The following SFMBT1 variants were observed in gnomAD, a reference collection of about 807,000 sequenced individuals.
SFMBT1 encodes scm-like with four MBT domains protein 1.
SFMBT1 carries 32 observed loss-of-function variants against 108.7 expected under a neutral mutation model. That is an observed-to-expected ratio of 0.29 (90% CI 0.22 to 0.40). SFMBT1 has a LOEUF of 0.40. Ranked by LOEUF, SFMBT1 falls within the 10% of genes least tolerant of loss-of-function variation. SFMBT1 has a pLI of 1.00. For missense variants in SFMBT1, 816 were observed against 1,059.6 expected (o/e 0.77, Z 3.19); for synonymous variants, 348 against 369.5 (o/e 0.94, Z 0.67).
intron 1 of SFMBT1, among the ~76,000 whole-genome samples, chr3:53,036,475 A>G (rs1025488341): frequency 2.0e-5 from 3 of 152,242 alleles, no homozygotes; most frequent in Non-Finnish European, 4.4e-5. Context: ...TGGACAAAAC[A>G]AACACCATCG....
At chr3:52,972,479 G>A (rs1575411702) in intron 1 of SFMBT1, among the ~76,000 whole-genome samples, 1 of 152,074 alleles carries the variant, frequency 6.6e-6, no homozygotes, top group South Asian at 2.1e-4. Context: ...AAACTATCCA[G>A]GCGCTTAGTA....
At chr3:53,020,089 G>A (rs1699254517) in intron 1 of SFMBT1, among the ~76,000 whole-genome samples, 1 of 151,680 alleles carries the variant, frequency 6.6e-6, no homozygotes, top group Non-Finnish European at 1.5e-5. Context: ...TCTTGCCGTG[G>A]CCAGTGAGTA....
At chr3:53,023,387 G>A (rs1056424535) in intron 1 of SFMBT1, among the ~76,000 whole-genome samples, 1 of 152,134 alleles carries the variant, frequency 6.6e-6, no homozygotes, top group Non-Finnish European at 1.5e-5. Context: ...GGCTAAACTG[G>A]GATTTAATTC....
intron 1 of SFMBT1, among the ~76,000 whole-genome samples, chr3:53,039,742 C>A (rs930646098): frequency 1.3e-5 from 2 of 152,188 alleles, no homozygotes; most frequent in African/African-American, 4.8e-5. Flanking sequence ...TCAAGCAATT[C>A]TCCTGCCTCA....
intron 1 of SFMBT1, among the ~76,000 whole-genome samples, chr3:53,043,638 A>C (rs1219537189): frequency 6.6e-6 from 1 of 152,230 alleles, no homozygotes; most frequent in Non-Finnish European, 1.5e-5. Flanking sequence ...GGGAAGTCAT[A>C]GATTAATACC....
chr3:52,973,993 T>G (rs1235555940), intron 1 of SFMBT1, among the ~76,000 whole-genome samples: 1 of 152,102 alleles, frequency 6.6e-6, no homozygotes, highest in Non-Finnish European at 1.5e-5. Context: ...TTAAGATGAG[T>G]GATTACATGG....
chr3:52,992,054 C>T (rs1287264033), intron 1 of SFMBT1, among the ~76,000 whole-genome samples: 1 of 152,188 alleles, frequency 6.6e-6, no homozygotes, highest in Non-Finnish European at 1.5e-5. Flanking sequence ...ATAATCTATT[C>T]CACTTCTAAG....
intron 14 of SFMBT1, among the ~76,000 whole-genome samples, chr3:52,914,714 A>G (rs1400666739): frequency 1.3e-5 from 2 of 152,208 alleles, no homozygotes; most frequent in Non-Finnish European, 2.9e-5. Context: ...ACTGCACTCC[A>G]GCCTGGATGA....
intron 2 of SFMBT1, among the ~76,000 whole-genome samples, chr3:52,957,060 A>G (rs958476564): frequency 6.6e-6 from 1 of 152,192 alleles, no homozygotes; most frequent in Non-Finnish European, 1.5e-5. Context: ...ACATGATCCT[A>G]TATCTAGAAA....
intron 2 of SFMBT1, among the ~76,000 whole-genome samples, chr3:52,962,821 A>AAAG (rs1211963797): frequency 2.0e-5 from 3 of 151,396 alleles, no homozygotes; most frequent in African/African-American, 7.3e-5. Flanking sequence ...AAAAAAAAAA[A>AAAG]AAAGGAGAGG....
intron 3 of SFMBT1, among the ~76,000 whole-genome samples, chr3:52,952,513 C>T (rs1208606381): frequency 6.6e-6 from 1 of 152,064 alleles, no homozygotes. Flanking sequence ...GGGTGCTACA[C>T]CAAAATATCT....
intron 3 of SFMBT1, among the ~76,000 whole-genome samples, chr3:52,944,626 T>C (rs1190895070): frequency 1.3e-5 from 2 of 152,120 alleles, no homozygotes; most frequent in African/African-American, 4.8e-5. Context: ...TACAAGCGAT[T>C]TTCCTGCCTC....
chr3:53,030,450 TA>T (rs1307987927), intron 1 of SFMBT1, among the ~76,000 whole-genome samples: 2 of 152,170 alleles, frequency 1.3e-5, no homozygotes, highest in East Asian at 3.8e-4. Context: ...TATCCCTGTT[TA>T]AAATGTTTTA....
At chr3:52,981,203 G>A (rs1324861154) in intron 1 of SFMBT1, among the ~76,000 whole-genome samples, 2 of 151,880 alleles carry the variant, frequency 1.3e-5, no homozygotes, top group Non-Finnish European at 2.9e-5. Flanking sequence ...AAAGCTGGAG[G>A]ATTTAATGCC....
At chr3:52,924,661 C>CA (rs1050001577) in intron 10 of SFMBT1, among the ~76,000 whole-genome samples, 2 of 13,818 alleles carry the variant, frequency 1.4e-4, no homozygotes, top group African/African-American at 3.8e-4. Context: ...AAAAAACAAA[C>CA]AACAACAACA....
Position 52,916,168 on chromosome 3 carries a change from G to C in SFMBT1, c.1462C>G (p.Leu488Val). The C allele has an allele frequency of 6.2e-7, 1 of 1,613,966 alleles. No homozygotes were observed. The change falls in exon 14 of 21, where the codon CTG becomes GTG. Residue 488 changes from leucine to valine, a missense_variant. Coordinates refer to ENST00000394752, the MANE Select transcript of SFMBT1 (RefSeq NM_016329.4). ...TVHEGLRNQE[L>V]NSTESVMING... is the part of the protein sequence containing the mutation. ...CTTATACCTGACTCTGTGGAGTTCAGCTCCTGATTCCTCAGGCCCTCGTGG... is the reference window on the plus strand; with the variant it reads ...CTTATACCTGACTCTGTGGAGTTCACCTCCTGATTCCTCAGGCCCTCGTGG...
At chr3:53,038,120 T>A (rs1699923673) in intron 1 of SFMBT1, among the ~76,000 whole-genome samples, 1 of 151,880 alleles carries the variant, frequency 6.6e-6, no homozygotes, top group Non-Finnish European at 1.5e-5. Flanking sequence ...AAAAATGTTT[T>A]AAAAAATTAG....
intron 1 of SFMBT1, among the ~76,000 whole-genome samples, chr3:52,990,630 A>G (rs1246661858): frequency 1.3e-5 from 2 of 152,208 alleles, no homozygotes; most frequent in Non-Finnish European, 2.9e-5. Flanking sequence ...GAGCCACCTT[A>G]ATATTTTGAA....
chr3:52,945,140 A>AAAAAAAAAAAAAAAAAAAAAAAC (rs1368281318), intron 3 of SFMBT1, among the ~76,000 whole-genome samples: 2 of 146,266 alleles, frequency 1.4e-5, no homozygotes, highest in Non-Finnish European at 3.0e-5. Flanking sequence ...TCCAATTAAA[A>AAAAAAAAAAAAAAAAAAAAAAAC]AAAAAAAAAA....
Sources: gnomAD v4.1 joint callset for allele counts (sites outside exome capture counted in the v4.1 genomes callset) on GRCh38, gnomAD v4.1.1 for gene constraint, MANE v1.5 for transcripts, NCBI Gene and HGNC (gene_info 2026-07-23, HGNC 2026-07-21) for gene names.